Variants in ATP10A observed in about 807,000 individuals in gnomAD.
ATP10A encodes the protein ATPase phospholipid transporting 10A (putative).
Under a neutral mutation model 147.8 loss-of-function variants are expected in ATP10A, and 111 were observed. The observed-to-expected ratio is 0.75, with a 90% CI of 0.64 to 0.88. The LOEUF (loss-of-function observed/expected upper bound fraction) is 0.88. ATP10A is among the 40% of genes least tolerant of loss of function. The probability of loss-of-function intolerance (pLI) is 0.00; values close to 1 mark genes in which losing one functional copy is unlikely to be tolerated. For missense variants in ATP10A, 1,927 were observed against 1,959.0 expected, an observed-to-expected ratio of 0.98 and a Z score of 0.31; for synonymous variants, 875 against 841.6, an observed-to-expected ratio of 1.04 and a Z score of -0.69.
intron 1 of ATP10A, among the ~76,000 whole-genome samples, chr15:25,816,813 T>C (rs1037387024): frequency 6.6e-6 from 1 of 152,186 alleles, no homozygotes; most frequent in Non-Finnish European, 1.5e-5. Flanking sequence ...TTTTAATGTA[T>C]TATTCTCCTT....
In ATP10A at chr15:25,849,098, G is replaced by A. The variant is rs28650259; in HGVS notation, c.449+13550C>T. Among the ~76,000 whole-genome samples the A allele has an allele frequency of 5.1e-3, 775 of 152,104 alleles. 9 individuals are homozygous for A. The highest frequency in any genetic ancestry group is 0.018 in the African/African-American group (732 of 41,520). On this transcript the variant is annotated intron_variant, in intron 1 of 20. Transcript: ENST00000555815. ...TTCCATGGGAAAGAACAGGAGAGGC[G>A]GGGTAAGCAGGTTTAGAATCCATTA...
intron 1 of ATP10A, among the ~76,000 whole-genome samples, chr15:25,832,836 A>T (rs918237983): frequency 1.1e-4 from 16 of 152,162 alleles, no homozygotes; most frequent in Admixed American, 1.0e-3. Flanking sequence ...GCTCCCAATA[A>T]AAAGAAATAA....
At chr15:25,855,378 A>G (rs962951300) in intron 1 of ATP10A, among the ~76,000 whole-genome samples, 10 of 152,206 alleles carry the variant, frequency 6.6e-5, no homozygotes, top group Admixed American at 2.0e-4. Flanking sequence ...TACACATAAA[A>G]GCTACATGAT....
At chr15:25,839,805 C>T (rs908094345) in intron 1 of ATP10A, among the ~76,000 whole-genome samples, 2 of 152,084 alleles carry the variant, frequency 1.3e-5, no homozygotes, top group Non-Finnish European at 2.9e-5. Context: ...CACCCTTCAC[C>T]CAGCCTCCCC....
Position 25,695,078 on chromosome 15 carries a change from A to C in ATP10A, c.2829T>G (p.Pro943=). 6.2e-7 allele frequency: 1 copy of C among 1,614,138 alleles called. No individual in the cohort carries two copies. The highest frequency in any genetic ancestry group is 8.5e-7 in the Non-Finnish European group (1 of 1,180,020). Residue 943 remains proline (P), a synonymous_variant, in exon 14 of 21, where the codon CCT becomes CCG. Transcript: ENST00000555815. Reference sequence around the variant, plus strand: ...TGCTCACTTTGCCCTTGGTCTTCTCAGGGGCTCTCTGGAGGCCTCTGGACT... The same window carrying C: ...TGCTCACTTTGCCCTTGGTCTTCTCCGGGGCTCTCTGGAGGCCTCTGGACT... The part of the protein sequence containing the change: ...YVQSRGLQRA[P]EKTKGKVSMR...
chr15:25,689,294 G>A (rs1203998405), intron 15 of ATP10A, among the ~76,000 whole-genome samples: 3 of 152,208 alleles, frequency 2.0e-5, no homozygotes, highest in Admixed American at 1.3e-4. Flanking sequence ...TTGTATCCCT[G>A]GCTCCCAGTC....
At chr15:25,702,141 C>G in intron 12 of ATP10A, 41 bp from the exon 13 acceptor site, 1 of 1,569,688 alleles carries the variant, frequency 6.4e-7, no homozygotes. Context: ...CCGCTTCTCA[C>G]GTGCCCCCCA....
chr15:25,805,329 C>T (rs188676005), intron 1 of ATP10A, among the ~76,000 whole-genome samples: 22 of 152,296 alleles, frequency 1.4e-4, no homozygotes, highest in African/African-American at 3.4e-4. Flanking sequence ...ACTGTGCCTA[C>T]GGGTCTCGAT....
At position 25,691,913 on chromosome 15, in the gene ATP10A, G is replaced by A; in HGVS notation, c.3089-122C>T. 3.5e-6 allele frequency: 4 copies of A among 1,134,268 alleles called. No homozygotes were observed. The Admixed American group carries it at 5.4e-5, about 15-fold the overall frequency. 70.3% of individuals were successfully genotyped at this position (1,134,268 alleles called of 1,614,324 possible). A position where few individuals can be genotyped will look rare whatever the true frequency, so the allele number is the denominator to read the frequency against. On this transcript the variant is annotated intron_variant, in intron 14 of 20. Transcript: ENST00000555815. The stretch of plus-strand genomic sequence containing the variant: ...AGTCCTGTGAAAGCGTCCTGGGGAA[G>A]ATGGGGGAAAAAGGAGTAGAGCATC...
At chr15:25,755,747 T>C (rs890736927) in intron 2 of ATP10A, among the ~76,000 whole-genome samples, 2 of 152,176 alleles carry the variant, frequency 1.3e-5, no homozygotes, top group African/African-American at 4.8e-5. Context: ...CATTCATTAG[T>C]AGCCTCTACC....
chr15:25,674,606 C>G (rs1899101382), downstream of ATP10A, among the ~76,000 whole-genome samples: 1 of 152,104 alleles, frequency 6.6e-6, no homozygotes, highest in Non-Finnish European at 1.5e-5. Context: ...CCCTGGCTGT[C>G]CAGAACATTT....
At chr15:25,740,563 G>A (rs952570612) in intron 2 of ATP10A, among the ~76,000 whole-genome samples, 1 of 152,348 alleles carries the variant, frequency 6.6e-6, no homozygotes, top group African/African-American at 2.4e-5. Context: ...TCTGGATCCC[G>A]TTCTGAAAAC....
intron 2 of ATP10A, among the ~76,000 whole-genome samples, chr15:25,760,547 G>A (rs1888707338): frequency 6.6e-6 from 1 of 152,144 alleles, no homozygotes; most frequent in Admixed American, 6.5e-5. Flanking sequence ...GGCAGTTCAT[G>A]GAAAGAATGG....
chr15:25,846,717 T>A (rs779817012), intron 1 of ATP10A, among the ~76,000 whole-genome samples: 7 of 152,200 alleles, frequency 4.6e-5, no homozygotes, highest in Non-Finnish European at 7.3e-5. Flanking sequence ...CATCACAACA[T>A]AAAGCTCCTG....
intron 1 of ATP10A, among the ~76,000 whole-genome samples, chr15:25,837,571 A>C (rs776511413): frequency 6.6e-6 from 1 of 152,156 alleles, no homozygotes; most frequent in Non-Finnish European, 1.5e-5. Context: ...AGGGCTTTCC[A>C]TGTAGTAGAT....
At chr15:25,769,042 G>C (rs909043570) in intron 2 of ATP10A, among the ~76,000 whole-genome samples, 7 of 152,126 alleles carry the variant, frequency 4.6e-5, no homozygotes, top group Admixed American at 3.3e-4. Flanking sequence ...TTTCTGTCCT[G>C]ACATTGCTTA....
At position 25,679,744 on chromosome 15, in the gene ATP10A, G is replaced by A; in HGVS notation, c.4097C>T (p.Ala1366Val). ...HTQQPVCSLE[A>V]SGEPSTVDMS... ...GTCCACTGTGCTGGGCTCCCCGCTG[G>A]CCTCCAGGGAGCAGACCGGCTGCTG... Residue 1366 changes from alanine (A) to valine (V), a missense_variant, in exon 21 of 21, where the codon GCC (alanine) becomes GTC (valine). By Grantham distance (64) the Ala-to-Val change is moderately conservative (BLOSUM62 0). Transcript: ENST00000555815. 6.2e-7 allele frequency: 1 copy of A among 1,613,354 alleles called. No homozygotes were observed. The highest frequency in any genetic ancestry group is 8.5e-7 in the Non-Finnish European group (1 of 1,180,018).
intron 2 of ATP10A, among the ~76,000 whole-genome samples, chr15:25,772,128 A>G (rs1032295012): frequency 2.0e-5 from 3 of 152,114 alleles, no homozygotes; most frequent in African/African-American, 4.8e-5. Flanking sequence ...ACAAACCTCA[A>G]TTGATTGATA....
At chr15:25,726,761 G>A (rs1468677739) in intron 4 of ATP10A, among the ~76,000 whole-genome samples, 1 of 151,068 alleles carries the variant, frequency 6.6e-6, no homozygotes, top group Admixed American at 6.6e-5. Flanking sequence ...CTTAGAAAAC[G>A]GTGAGGGAGG....
Sources: allele counts gnomAD v4.1 joint callset (sites outside exome capture counted in the v4.1 genomes callset), GRCh38; gene constraint gnomAD v4.1.1; transcripts MANE v1.5; gene names NCBI Gene and HGNC (gene_info 2026-07-23, HGNC 2026-07-21).